Variants in GDF2 observed in about 807,000 individuals in gnomAD.
The protein encoded by GDF2 is growth/differentiation factor 2.
A neutral mutation model predicts 16.9 loss-of-function variants in GDF2; 17 were observed. The ratio of observed to expected loss-of-function variants is 1.00; its 90% CI spans 0.69 to 1.51. GDF2 has a LOEUF of 1.51. Among genes scored for constraint, GDF2 ranks in the 40% most tolerant of loss-of-function variants. The pLI is 0.00. For missense variants in GDF2, 523 were observed against 556.3 expected (o/e 0.94, Z 0.60); for synonymous variants, 276 against 237.6 (o/e 1.16, Z -1.49).
intron 1 of GDF2, among the ~76,000 whole-genome samples, chr10:47,324,233 C>T (rs1185650136): frequency 1.3e-5 from 2 of 152,202 alleles, no homozygotes; most frequent in Non-Finnish European, 2.9e-5. Flanking sequence ...CAATTATCCA[C>T]TTTTGCTTTG....
chr10:47,322,943 T>A lies in GDF2; in HGVS notation c.275T>A (p.Leu92Gln). 2 of 1,613,728 alleles carry A rather than the reference T, an allele frequency of 1.2e-6. No homozygotes were observed. The highest frequency in any genetic ancestry group is 1.7e-6 in the Non-Finnish European group (2 of 1,179,682). The change falls in exon 1 of 2, where the codon CTG (leucine) becomes CAG (glutamine). Residue 92 changes from leucine to glutamine, a missense_variant. Physicochemically the swap from Leu to Gln is moderately radical, Grantham distance 113. Coordinates refer to ENST00000581492, the MANE Select transcript of GDF2 (RefSeq NM_016204.4). ...RVEPPQYMIDLYNRYTSDKST... is the reference protein window; with the variant it reads ...RVEPPQYMIDQYNRYTSDKST... ...GAGCCGCCGCAGTACATGATTGACC[T>A]GTACAACAGGTACACGTCCGATAAG...
rs147490056 is a variant in GDF2 at position 47,324,946 on chromosome 10, G to A, written c.452G>A (p.Arg151Gln). Residue 151 changes from arginine to glutamine, a missense_variant, in exon 2 of 2, where the codon CGA (arginine) becomes CAA (glutamine). Physicochemically the swap from Arg to Gln is conservative, Grantham distance 43. Coordinates refer to ENST00000581492, the MANE Select transcript of GDF2 (RefSeq NM_016204.4). The stretch of plus-strand genomic sequence containing the variant: ...GAGCAGATCACCAGAGCTGAGCTCC[G>A]ACTCTATGTCTCCTGTCAAAATCAC... ...RHEQITRAELRLYVSCQNHVD... is the reference protein window; with the variant it reads ...RHEQITRAELQLYVSCQNHVD... The A allele has an allele frequency of 8.1e-6, 13 of 1,613,924 alleles. No individual in the cohort carries two copies. Among genetic ancestry groups the A allele is most frequent in the African/African-American group, 6.7e-5 (5 of 74,906 alleles).
Position 47,325,604 on chromosome 10 carries a change from G to A in GDF2, c.1110G>A (p.Pro370=), listed in dbSNP as rs534378338. The change falls in exon 2 of 2, where the codon CCG becomes CCA. Residue 370 remains proline, a synonymous_variant. Transcript: ENST00000581492. ...CFFPLADDVT[P]TKHAIVQTLV... ...TCCCCTTGGCTGACGATGTGACGCC[G>A]ACGAAACACGCTATCGTGCAGACCC... is the stretch of plus-strand genomic sequence containing the variant. The A allele has an allele frequency of 1.4e-5, 23 of 1,614,130 alleles. No homozygotes were observed. The Admixed American group carries it at 1.5e-4, about 11-fold the overall frequency.
In GDF2 at chr10:47,326,723, C is replaced by T. The variant is rs527532084; in HGVS notation, c.*939C>T. The stretch of plus-strand genomic sequence containing the variant: ...CCATTCACTGTCCATAGACTGAAAC[C>T]ATGTGACCATTTGAGAGGGCCGGGC... On this transcript the variant is annotated 3_prime_UTR_variant, in exon 2 of 2. Transcript: ENST00000581492. 3.2e-4 allele frequency among the ~76,000 whole-genome samples: 48 copies of T among 152,326 alleles called. No homozygotes were observed. Among genetic ancestry groups the T allele is most frequent in the Non-Finnish European group, 4.7e-4 (32 of 68,022 alleles).
Position 47,325,341 on chromosome 10 carries a change from G to T in GDF2, c.847G>T (p.Val283Leu). Reference sequence around the variant, plus strand: ...GATGATCAGCCATGAACAAGAGAGCGTGCTCAAGAAGCTGTCCAAGGACGG... The same window carrying T: ...GATGATCAGCCATGAACAAGAGAGCTTGCTCAAGAAGCTGTCCAAGGACGG... ...REMISHEQESVLKKLSKDGST... is the reference protein window; with the variant it reads ...REMISHEQESLLKKLSKDGST... Residue 283 changes from valine to leucine, a missense_variant, in exon 2 of 2, where the codon GTG (valine) becomes TTG (leucine). Transcript: ENST00000581492. 6.2e-7 allele frequency: 1 copy of T among 1,614,208 alleles called. No individual in the cohort carries two copies. The highest frequency in any genetic ancestry group is 1.3e-5 in the African/African-American group (1 of 75,064).
chr10:47,325,321 T>C lies in GDF2; in HGVS notation c.827T>C (p.Ile276Thr), dbSNP rs782617242. 1.3e-5 allele frequency: 21 copies of C among 1,614,080 alleles called. No individual in the cohort carries two copies. Among genetic ancestry groups the C allele is most frequent in the Non-Finnish European group, 1.8e-5 (21 of 1,180,014 alleles). ...ACCAGGCTGGAGCTGAGGGAGATGA[T>C]CAGCCATGAACAAGAGAGCGTGCTC... The part of the protein sequence containing the change: ...KETRLELREM[I>T]SHEQESVLKK... The change falls in exon 2 of 2, where the codon ATC (isoleucine) becomes ACC (threonine). Residue 276 changes from isoleucine to threonine, a missense_variant. By Grantham distance (89) the Ile-to-Thr change is moderately conservative. Coordinates refer to ENST00000581492, the MANE Select transcript of GDF2 (RefSeq NM_016204.4).
Position 47,326,200 on chromosome 10 carries a change from C to A in GDF2, c.*416C>A. ...GGGAGTAGAGGGAAGGAGCAGGCCG[C>A]GTGTCACACCCATCATTGTATGTTA... On this transcript the variant is annotated 3_prime_UTR_variant, in exon 2 of 2. Transcript: ENST00000581492. The A allele has an allele frequency of 6.0e-6, 1 of 166,440 alleles. No homozygotes were observed. Among genetic ancestry groups the A allele is most frequent in the Non-Finnish European group, 1.3e-5 (1 of 77,578 alleles). The allele number at this position is 166,440 out of a possible 1,614,324, so 10.3% of individuals were successfully genotyped here.
In GDF2 at chr10:47,326,454, A is replaced by G. The variant is rs1158361442; in HGVS notation, c.*670A>G. 1.3e-5 allele frequency among the ~76,000 whole-genome samples: 2 copies of G among 152,228 alleles called. No individual in the cohort carries two copies. The highest frequency in any genetic ancestry group is 2.9e-5 in the Non-Finnish European group (2 of 68,038). ...AGGCCAGGCCAGGCTGAGGCCCATC[A>G]GTCACAGGTGTGACTGGGCTGCTTG... is the stretch of plus-strand genomic sequence containing the variant. On this transcript the variant is annotated 3_prime_UTR_variant, in exon 2 of 2. Transcript: ENST00000581492.
chr10:47,327,479 A>C lies in GDF2; in HGVS notation c.*1695A>C, dbSNP rs1446202269. Reference sequence around the variant, plus strand: ...ATTCCTGCTACATGCCGGGCAGTGTAGTGTTACAATGCTATTCCAAGTTGG... The same window carrying C: ...ATTCCTGCTACATGCCGGGCAGTGTCGTGTTACAATGCTATTCCAAGTTGG... On this transcript the variant is annotated 3_prime_UTR_variant, in exon 2 of 2. Transcript: ENST00000581492. 2.0e-5 allele frequency among the ~76,000 whole-genome samples: 3 copies of C among 152,232 alleles called. No individual in the cohort carries two copies. Among genetic ancestry groups the C allele is most frequent in the African/African-American group, 7.2e-5 (3 of 41,458 alleles).
Position 47,326,551 on chromosome 10 carries a change from C to T in GDF2, c.*767C>T, listed in dbSNP as rs1172232711. 6.6e-6 allele frequency among the ~76,000 whole-genome samples: 1 copy of T among 152,172 alleles called. No individual in the cohort carries two copies. Among genetic ancestry groups the T allele is most frequent in the East Asian group, 1.9e-4 (1 of 5,194 alleles). ...CGGCCACATGCTTTTTAATATGACC[C>T]CTGAGGCACTGAAAAATAACCCCAG... On this transcript the variant is annotated 3_prime_UTR_variant, in exon 2 of 2. Coordinates refer to ENST00000581492, the MANE Select transcript of GDF2 (RefSeq NM_016204.4).
chr10:47,324,130 G>T (rs1485955506), intron 1 of GDF2, among the ~76,000 whole-genome samples: 1 of 152,234 alleles, frequency 6.6e-6, no homozygotes, highest in Non-Finnish European at 1.5e-5. Flanking sequence ...ATGGGATATC[G>T]AGATAACTAT....
At position 47,322,473 on chromosome 10, in the gene GDF2, G is replaced by A. The variant is rs1242827893; in HGVS notation, c.-196G>A. ...TCCCTCAGATAAGACGTCGGAGCGCGGCATCGAGGACCAGATAAGCACAAG... is the reference window on the plus strand; with the variant it reads ...TCCCTCAGATAAGACGTCGGAGCGCAGCATCGAGGACCAGATAAGCACAAG... On this transcript the variant is annotated 5_prime_UTR_variant, in exon 1 of 2. Coordinates refer to ENST00000581492, the MANE Select transcript of GDF2 (RefSeq NM_016204.4). 1.2e-5 allele frequency: 6 copies of A among 505,098 alleles called. No individual in the cohort carries two copies. The highest frequency in any genetic ancestry group is 5.7e-5 in the African/African-American group (3 of 52,724). The allele number at this position is 505,098 out of a possible 1,614,324, so 31.3% of individuals were successfully genotyped here.
intron 1 of GDF2, 21 bp from the exon 2 acceptor site, chr10:47,324,819 AC>A (rs2061098255): frequency 6.5e-7 from 1 of 1,549,426 alleles, no homozygotes; most frequent in Admixed American, 1.7e-5. Context: ...GCAGATGCCC[AC>A]CACGTGTGTT....
Position 47,322,610 on chromosome 10 carries a change from C to G in GDF2, c.-59C>G. ...CGCTCCTTCCCAGCTCCTCCCCGTGCCCGCTAACACAGCACGGCCGCCTGC... is the reference window on the plus strand; with the variant it reads ...CGCTCCTTCCCAGCTCCTCCCCGTGGCCGCTAACACAGCACGGCCGCCTGC... On this transcript the variant is annotated 5_prime_UTR_variant, in exon 1 of 2. Coordinates refer to ENST00000581492, the MANE Select transcript of GDF2 (RefSeq NM_016204.4). 1 of 1,282,950 alleles carries G rather than the reference C, an allele frequency of 7.8e-7. No homozygotes were observed. The highest frequency in any genetic ancestry group is 1.0e-6 in the Non-Finnish European group (1 of 952,786). 79.5% of individuals were successfully genotyped at this position (1,282,950 alleles called of 1,614,324 possible).
Position 47,325,277 on chromosome 10 carries a change from C to A in GDF2, c.783C>A (p.His261Gln), listed in dbSNP as rs369794588. 1 of 1,614,196 alleles carries A rather than the reference C, an allele frequency of 6.2e-7. No homozygotes were observed. The highest frequency in any genetic ancestry group is 1.3e-5 in the African/African-American group (1 of 75,052). The change falls in exon 2 of 2, where the codon CAC becomes CAA. Residue 261 changes from histidine to glutamine, a missense_variant. By Grantham distance (24) the His-to-Gln change is conservative. Transcript: ENST00000581492. ...LPFFVVFSND[H>Q]SSGTKETRLE... ...TCTTTGTTGTCTTCTCCAATGACCA[C>A]AGCAGTGGGACCAAGGAGACCAGGC...
intron 1 of GDF2, among the ~76,000 whole-genome samples, chr10:47,323,383 A>T (rs4922507): frequency 0.99 from 150,306 of 152,254 alleles, 74,216 homozygotes; most frequent in Middle Eastern, 1. Flanking sequence ...TCTTTGCATC[A>T]CTCCCCTCTG....
At position 47,322,639 on chromosome 10, in the gene GDF2, C is replaced by G. The variant is rs1445661168; in HGVS notation, c.-30C>G. The G allele has an allele frequency of 2.8e-6, 4 of 1,442,694 alleles. No homozygotes were observed. Among genetic ancestry groups the G allele is most frequent in the South Asian group, 2.9e-5 (2 of 68,898 alleles). 89.4% of individuals were successfully genotyped at this position (1,442,694 alleles called of 1,614,324 possible). On this transcript the variant is annotated 5_prime_UTR_variant, in exon 1 of 2. Transcript: ENST00000581492. ...CTAACACAGCACGGCCGCCTGCAGT[C>G]TCCTCTCTGGGTGATTGCGCGGGCC...
intron 1 of GDF2, 123 bp from the exon 2 acceptor site, chr10:47,324,718 T>C (rs2061097658): frequency 3.1e-6 from 2 of 639,578 alleles, no homozygotes; most frequent in South Asian, 3.9e-5. Context: ...TGAAACCAAA[T>C]AGAGATAATA....
At chr10:47,323,797 C>T (rs1480684196) in intron 1 of GDF2, among the ~76,000 whole-genome samples, 1 of 152,238 alleles carries the variant, frequency 6.6e-6, no homozygotes, top group Non-Finnish European at 1.5e-5. Context: ...AGTGTTAAAC[C>T]TGTCTGCCTG....
Sources: allele counts gnomAD v4.1 joint callset (sites outside exome capture counted in the v4.1 genomes callset), GRCh38; gene constraint gnomAD v4.1.1; transcripts MANE v1.5; gene names NCBI Gene and HGNC (gene_info 2026-07-23, HGNC 2026-07-21).